RORA: variants seen among roughly 807,000 people sequenced by gnomAD.
RORA encodes the protein nuclear receptor ROR-alpha.
In RORA, 7 loss-of-function variants were observed where a neutral mutation model predicts 69.5. The observed-to-expected ratio is 0.10, with a 90% CI of 0.06 to 0.19. The LOEUF (loss-of-function observed/expected upper bound fraction) is 0.19, where lower values mean the gene tolerates loss of function less well. Among genes scored for constraint, RORA ranks in the 10% least tolerant of loss-of-function variants. The pLI is 1.00. For synonymous variants in RORA, 261 were observed against 240.8 expected (o/e 1.08, Z -0.78); for missense variants, 457 against 663.0 (o/e 0.69, Z 3.41).
chr15:60,933,433 C>T (rs763089450), intron 1 of RORA, among the ~76,000 whole-genome samples: 1 of 152,180 alleles, frequency 6.6e-6, no homozygotes, highest in Non-Finnish European at 1.5e-5. Flanking sequence ...TTTGCCTACG[C>T]TTCCAGGCTC....
chr15:61,100,826 T>A (rs1393266777), intron 1 of RORA, among the ~76,000 whole-genome samples: 1 of 152,232 alleles, frequency 6.6e-6, no homozygotes, highest in Non-Finnish European at 1.5e-5. Flanking sequence ...GATTTGGGAA[T>A]GGTTAATCAC....
chr15:61,182,770 C>G (rs886231871), intron 1 of RORA, among the ~76,000 whole-genome samples: 4 of 152,212 alleles, frequency 2.6e-5, no homozygotes, highest in African/African-American at 7.2e-5. Context: ...TGGGACAGCT[C>G]GATGGCATGA....
chr15:60,521,685 G>A (rs2066172129), intron 3 of RORA, among the ~76,000 whole-genome samples: 1 of 152,146 alleles, frequency 6.6e-6, no homozygotes. Flanking sequence ...CTTGTCCAAG[G>A]TCCCATGGCT....
intron 1 of RORA, among the ~76,000 whole-genome samples, chr15:60,822,827 C>G (rs2072909581): frequency 6.6e-6 from 1 of 152,194 alleles, no homozygotes; most frequent in Admixed American, 6.5e-5. Flanking sequence ...GGCACCACCC[C>G]CTGGCTCCAG....
intron 1 of RORA, chr15:60,764,059 C>G (rs1394635617): frequency 3.9e-5 from 6 of 152,164 alleles, no homozygotes; most frequent in Non-Finnish European, 8.8e-5. Flanking sequence ...TAAAAGAACC[C>G]GTTTTGTTTT....
intron 1 of RORA, among the ~76,000 whole-genome samples, chr15:61,116,058 T>C (rs1161761660): frequency 6.6e-6 from 1 of 152,008 alleles, no homozygotes; most frequent in Non-Finnish European, 1.5e-5. Context: ...CTGTTGATCC[T>C]TCAGCACTTA....
In RORA at chr15:60,998,619, G is replaced by C. The variant is rs183328268; in HGVS notation, c.166+230434C>G. ...TCACCATGTTAGCTAGGCCGGTCTC[G>C]AACTCCTGACCTCAGGTGATCTGCC... On this transcript the variant is annotated intron_variant, in intron 1 of 10. Coordinates refer to ENST00000335670, the MANE Select transcript of RORA (RefSeq NM_134261.3). 1.8e-4 allele frequency among the ~76,000 whole-genome samples: 28 copies of C among 152,220 alleles called. No homozygotes were observed. The East Asian group carries it at 5.0e-3, about 27-fold the overall frequency.
At chr15:60,898,946 A>T (rs1422709649) in intron 1 of RORA, among the ~76,000 whole-genome samples, 1 of 152,188 alleles carries the variant, frequency 6.6e-6, no homozygotes, top group African/African-American at 2.4e-5. Flanking sequence ...AATAGATGAG[A>T]CCATGGTAGA....
At chr15:61,145,577 A>T (rs2079338669) in intron 1 of RORA, among the ~76,000 whole-genome samples, 1 of 152,236 alleles carries the variant, frequency 6.6e-6, no homozygotes, top group South Asian at 2.1e-4. Context: ...ACTGAGAAAG[A>T]GTAACAGAGA....
intron 1 of RORA, among the ~76,000 whole-genome samples, chr15:60,922,269 G>GT (rs1333759157): frequency 2.0e-5 from 3 of 152,146 alleles, no homozygotes; most frequent in Non-Finnish European, 4.4e-5. Flanking sequence ...TTATAAATTT[G>GT]TCCAAACCTG....
At chr15:61,045,672 GCAGGCCCTGGCCAGGAGT>G (rs1250076241) in intron 1 of RORA, among the ~76,000 whole-genome samples, 133 of 152,236 alleles carry the variant, frequency 8.7e-4, no homozygotes, top group African/African-American at 3.2e-3. Flanking sequence ...GAGAATGAGG[GCAGGCCCTGGCCAGGAGT>G]CAGGGAGAGG....
chr15:60,926,817 T>C (rs1362672589), intron 1 of RORA, among the ~76,000 whole-genome samples: 2 of 152,214 alleles, frequency 1.3e-5, no homozygotes, highest in African/African-American at 2.4e-5. Context: ...TACTATATCA[T>C]TGACTAAATA....
At chr15:60,946,136 G>C (rs1892863912) in intron 1 of RORA, among the ~76,000 whole-genome samples, 1 of 152,162 alleles carries the variant, frequency 6.6e-6, no homozygotes, top group African/African-American at 2.4e-5. Flanking sequence ...CGGGTGTGCT[G>C]AGGGTGATTC....
chr15:60,950,566 T>A (rs1005683622), intron 1 of RORA, among the ~76,000 whole-genome samples: 1 of 140,294 alleles, frequency 7.1e-6, no homozygotes, highest in Admixed American at 7.5e-5. Context: ...GAGACACACA[T>A]AGGCTCAAAA....
intron 1 of RORA, chr15:61,176,450 T>C (rs932933138): frequency 6.6e-6 from 1 of 152,156 alleles, no homozygotes; most frequent in Non-Finnish European, 1.5e-5. Context: ...CCTTTAAGCA[T>C]GCCAATCTGC....
chr15:61,217,194 C>A (rs2080047962), intron 1 of RORA, among the ~76,000 whole-genome samples: 1 of 152,156 alleles, frequency 6.6e-6, no homozygotes, highest in African/African-American at 2.4e-5. Context: ...CTATTTTATG[C>A]AAGGTATCGT....
intron 1 of RORA, among the ~76,000 whole-genome samples, chr15:60,868,312 C>T (rs2073512458): frequency 6.6e-6 from 1 of 152,168 alleles, no homozygotes; most frequent in Admixed American, 6.5e-5. Flanking sequence ...GTTTCTTTAA[C>T]TGGAAAATGG....
chr15:61,096,552 T>C (rs370852953), intron 1 of RORA, among the ~76,000 whole-genome samples: 3 of 152,294 alleles, frequency 2.0e-5, no homozygotes, highest in Admixed American at 6.5e-5. Flanking sequence ...AGATTATCTG[T>C]TACAACCAAG....
intron 1 of RORA, among the ~76,000 whole-genome samples, chr15:60,712,654 C>G (rs2071160310): frequency 6.6e-6 from 1 of 152,194 alleles, no homozygotes; most frequent in African/African-American, 2.4e-5. Flanking sequence ...GGTACTTGTT[C>G]CCGAGGCCAG....
Sources: allele counts gnomAD v4.1 joint callset (sites outside exome capture counted in the v4.1 genomes callset), GRCh38; gene constraint gnomAD v4.1.1; transcripts MANE v1.5; gene names NCBI Gene and HGNC (gene_info 2026-07-23, HGNC 2026-07-21).